NPAS3: variants seen among roughly 807,000 people sequenced by gnomAD.
The protein encoded by NPAS3 is neuronal PAS domain-containing protein 3.
In NPAS3, 14 loss-of-function variants were observed where a neutral mutation model predicts 73.1. The observed-to-expected ratio is 0.19, with a 90% CI of 0.13 to 0.30. The LOEUF is 0.30. Ranked by LOEUF, NPAS3 falls within the 10% of genes least tolerant of loss-of-function variation. The pLI is 1.00. For synonymous variants in NPAS3, 620 were observed against 541.5 expected (o/e 1.14, Z -2.01); for missense variants, 1,096 against 1,250.0 (o/e 0.88, Z 1.86).
chr14:33,775,899 G>C (rs574551736), intron 8 of NPAS3, among the ~76,000 whole-genome samples: 2 of 152,294 alleles, frequency 1.3e-5, no homozygotes, highest in African/African-American at 4.8e-5. Flanking sequence ...CTCATCACCT[G>C]CACAATTTCA....
chr14:33,148,076 T>C (rs1390708357), intron 2 of NPAS3, among the ~76,000 whole-genome samples: 1 of 152,170 alleles, frequency 6.6e-6, no homozygotes, highest in Non-Finnish European at 1.5e-5. Flanking sequence ...ATTAATTTCG[T>C]GCCCTTGCTA....
At chr14:33,691,111 A>T (rs1237638354) in intron 6 of NPAS3, among the ~76,000 whole-genome samples, 2 of 152,238 alleles carry the variant, frequency 1.3e-5, no homozygotes, top group East Asian at 3.8e-4. Flanking sequence ...TTAAAAACAT[A>T]AACAATCAGA....
At chr14:33,324,062 C>T (rs540475899) in intron 3 of NPAS3, among the ~76,000 whole-genome samples, 3 of 152,314 alleles carry the variant, frequency 2.0e-5, no homozygotes, top group Admixed American at 1.3e-4. Context: ...TACAACGTAG[C>T]ATTAAGAAGC....
At position 33,602,113 on chromosome 14, in the gene NPAS3, C is replaced by T. The variant is rs561283352; in HGVS notation, c.558+41903C>T. 2.0e-5 allele frequency among the ~76,000 whole-genome samples: 3 copies of T among 152,242 alleles called. No individual in the cohort carries two copies. The South Asian group carries it at 6.2e-4, about 32-fold the overall frequency. ...GGGGAGACCTCGATTAGCTAGAATTCAAGGGGCAGAGATGAGAGCTCCACA... is the reference window on the plus strand; with the variant it reads ...GGGGAGACCTCGATTAGCTAGAATTTAAGGGGCAGAGATGAGAGCTCCACA... On this transcript the variant is annotated intron_variant, in intron 5 of 11. Transcript: ENST00000356141.
At chr14:33,501,063 G>A (rs1042071834) in intron 4 of NPAS3, among the ~76,000 whole-genome samples, 35 of 152,006 alleles carry the variant, frequency 2.3e-4, no homozygotes, top group African/African-American at 8.2e-4. Context: ...ATTATTTTTT[G>A]TGATTCTAAT....
chr14:33,684,747 C>A (rs950879166), intron 6 of NPAS3, among the ~76,000 whole-genome samples: 1 of 152,226 alleles, frequency 6.6e-6, no homozygotes, highest in Non-Finnish European at 1.5e-5. Context: ...CAACATCACC[C>A]GTGTACACTT....
At chr14:33,797,692 G>C (rs1365813853) in intron 11 of NPAS3, 111 bp downstream of exon 11, 15 of 1,061,740 alleles carry the variant, frequency 1.4e-5, no homozygotes, top group Non-Finnish European at 2.0e-5. Context: ...TCACATTTCA[G>C]AGAGACATAT....
intron 6 of NPAS3, among the ~76,000 whole-genome samples, chr14:33,731,375 C>T (rs567878740): frequency 1.0e-4 from 15 of 149,030 alleles, no homozygotes; most frequent in African/African-American, 3.5e-4. Flanking sequence ...GTTATAATCA[C>T]GCCACTGCAC....
chr14:33,227,501 T>C (rs2047679117), intron 3 of NPAS3, among the ~76,000 whole-genome samples: 1 of 152,204 alleles, frequency 6.6e-6, no homozygotes, highest in African/African-American at 2.4e-5. Context: ...GTCTGGAGGC[T>C]GGAAATCCAA....
intron 1 of NPAS3, 87 bp from the exon 2 acceptor site, chr14:33,055,810 AAAATATAT>A: frequency 2.5e-5 from 17 of 692,428 alleles, no homozygotes; most frequent in South Asian, 6.7e-5. Flanking sequence ...CGTAAAAAGC[AAAATATAT>A]TGAATTTCAA....
At chr14:33,184,700 A>G (rs755528687) in intron 2 of NPAS3, among the ~76,000 whole-genome samples, 1 of 152,114 alleles carries the variant, frequency 6.6e-6, no homozygotes, top group Non-Finnish European at 1.5e-5. Flanking sequence ...GGGATAAGAG[A>G]ACCTGTAAGT....
intron 2 of NPAS3, among the ~76,000 whole-genome samples, chr14:33,097,568 A>G (rs1277520542): frequency 6.6e-6 from 1 of 152,216 alleles, no homozygotes; most frequent in Non-Finnish European, 1.5e-5. Flanking sequence ...GCTCAGTCCT[A>G]GGATATGCAT....
intron 5 of NPAS3, among the ~76,000 whole-genome samples, chr14:33,595,600 GA>G (rs1302030763): frequency 7.9e-5 from 12 of 152,160 alleles, no homozygotes; most frequent in Admixed American, 6.5e-4. Context: ...AAACAAAAGG[GA>G]AAAAGAAAGA....
chr14:33,433,183 G>C (rs1363716681), intron 4 of NPAS3, among the ~76,000 whole-genome samples: 1 of 152,168 alleles, frequency 6.6e-6, no homozygotes, highest in African/African-American at 2.4e-5. Flanking sequence ...CCCAAAAATC[G>C]TGGACCATGA....
chr14:33,553,816 T>G (rs2055230666), intron 4 of NPAS3, among the ~76,000 whole-genome samples: 3 of 152,192 alleles, frequency 2.0e-5, no homozygotes, highest in Admixed American at 2.0e-4. Context: ...AAGACACAAT[T>G]TGTGAATCTT....
intron 2 of NPAS3, among the ~76,000 whole-genome samples, chr14:33,079,497 T>A (rs1403976507): frequency 6.6e-6 from 1 of 151,346 alleles, no homozygotes; most frequent in Admixed American, 6.6e-5. Context: ...TTTGTATTTT[T>A]AGTAGAGATG....
intron 3 of NPAS3, among the ~76,000 whole-genome samples, chr14:33,222,861 A>G (rs551619156): frequency 1.3e-5 from 2 of 152,172 alleles, no homozygotes; most frequent in Non-Finnish European, 2.9e-5. Flanking sequence ...AGTAGAAGAA[A>G]AATGGAGGGA....
intron 4 of NPAS3, among the ~76,000 whole-genome samples, chr14:33,477,421 G>A (rs541424602): frequency 6.6e-5 from 10 of 152,122 alleles, no homozygotes; most frequent in East Asian, 3.9e-4. Flanking sequence ...TGCTCTCACC[G>A]TCCATCCCTA....
chr14:33,799,960 C>G, exon 12 of NPAS3: 1 of 1,613,982 alleles, frequency 6.2e-7, no homozygotes, highest in Non-Finnish European at 8.5e-7. Context: ...GTGCTCTGGG[C>G]GCGATGCAGA....
Sources: gnomAD v4.1 joint callset for allele counts (sites outside exome capture counted in the v4.1 genomes callset) on GRCh38, gnomAD v4.1.1 for gene constraint, MANE v1.5 for transcripts, NCBI Gene and HGNC (gene_info 2026-07-23, HGNC 2026-07-21) for gene names.